The following DDX18 variants were observed in gnomAD, a reference collection of about 807,000 sequenced individuals.
DDX18 encodes the protein DEAD-box helicase 18, also known as ATP-dependent RNA helicase DDX18.
In DDX18, 23 loss-of-function variants were observed where a neutral mutation model predicts 73.5. The observed-to-expected ratio is 0.31, with a 90% CI of 0.23 to 0.44. The LOEUF (loss-of-function observed/expected upper bound fraction) is 0.44, where lower values mean the gene tolerates loss of function less well. Ranked by LOEUF, DDX18 falls within the 20% of genes least tolerant of loss-of-function variation. DDX18 has a pLI of 1.00. For missense variants in DDX18, 753 were observed against 792.9 expected (o/e 0.95, Z 0.60); for synonymous variants, 268 against 282.7 (o/e 0.95, Z 0.52).
chr2:117,814,968 T>C (rs780793322), intron 1 of DDX18, 106 bp downstream of exon 1: 232 of 1,153,830 alleles, frequency 2.0e-4, no homozygotes, highest in Non-Finnish European at 2.5e-4. Context: ...CAGCTTCCCC[T>C]GCAGCGTGTG....
intron 3 of DDX18, among the ~76,000 whole-genome samples, chr2:117,820,761 C>G (rs1679832261): frequency 6.6e-6 from 1 of 152,224 alleles, no homozygotes; most frequent in Admixed American, 6.5e-5. Context: ...GTGAGATTAA[C>G]AGGTTTTTTT....
rs139190242 is a variant in DDX18, at chr2:117,823,954, T to C, written c.1067-615T>C. On this transcript the variant is annotated intron_variant, in intron 7 of 13. Transcript: ENST00000263239. ...GAATTGTATTGGTTGATTTTTCAAA[T>C]GTTGAACCAACCTGCATTTCTAGAA... Among the ~76,000 whole-genome samples, 804 of 152,350 alleles carry C rather than the reference T, an allele frequency of 5.3e-3. 8 individuals are homozygous for C. The highest frequency in any genetic ancestry group is 0.017 in the African/African-American group (726 of 41,576).
chr2:117,829,607 T>C, intron 13 of DDX18, 141 bp downstream of exon 13: 1 of 821,588 alleles, frequency 1.2e-6, no homozygotes, highest in East Asian at 2.5e-5. Context: ...ATGTCTGCTT[T>C]TCTGTGCTAG....
In DDX18 at chr2:117,829,309, G is replaced by A. The variant is rs1223547898; in HGVS notation, c.1713G>A (p.Lys571=). ...TTCAGCTTGAGAAATTGATTGAAAAGAATTACTTTCTTCATAAGTCAGCCC... is the reference window on the plus strand; with the variant it reads ...TTCAGCTTGAGAAATTGATTGAAAAAAATTACTTTCTTCATAAGTCAGCCC... ...IQSQLEKLIE[K]NYFLHKSAQE... is the part of the protein sequence containing the mutation. The change falls in exon 13 of 14, where the codon AAG becomes AAA. Residue 571 remains lysine (K), a synonymous_variant. Transcript: ENST00000263239. The A allele has an allele frequency of 6.3e-7, 1 of 1,594,994 alleles. No homozygotes were observed. Among genetic ancestry groups the A allele is most frequent in the Non-Finnish European group, 8.5e-7 (1 of 1,173,892 alleles).
At chr2:117,818,575 C>G (rs547019211) in intron 2 of DDX18, among the ~76,000 whole-genome samples, 11 of 152,316 alleles carry the variant, frequency 7.2e-5, no homozygotes, top group African/African-American at 2.6e-4. Context: ...AAAATTATTG[C>G]CTTCACAATT....
intron 3 of DDX18, among the ~76,000 whole-genome samples, chr2:117,820,467 T>C (rs1300749874): frequency 6.6e-6 from 1 of 152,230 alleles, no homozygotes; most frequent in Non-Finnish European, 1.5e-5. Context: ...ACATTTTTGG[T>C]TCTCAGAGCT....
Position 117,817,748 on chromosome 2 carries a change from G to T in DDX18, c.370+20G>T. ...AGCCTGGTAGGTATTTATTATCTTT[G>T]AACTTCAGCCATTTAGTTTTTCACA... On this transcript the variant is annotated intron_variant, in intron 2 of 13. Transcript: ENST00000263239. The T allele has an allele frequency of 4.4e-6, 7 of 1,573,752 alleles. No individual in the cohort carries two copies. In the South Asian group the frequency reaches 7.2e-5, roughly 16 times the overall value.
At chr2:117,820,925 C>T (rs537305945) in intron 3 of DDX18, among the ~76,000 whole-genome samples, 3 of 152,106 alleles carry the variant, frequency 2.0e-5, no homozygotes, top group Non-Finnish European at 4.4e-5. Context: ...TACCTCCTCT[C>T]TACCCCTTGT....
intron 1 of DDX18, among the ~76,000 whole-genome samples, chr2:117,817,184 A>T (rs1295449313): frequency 6.6e-6 from 1 of 152,102 alleles, no homozygotes; most frequent in Non-Finnish European, 1.5e-5. Flanking sequence ...CCTGTCCTAG[A>T]CTCCTTAAAG....
rs1426999955 is a variant in DDX18 at position 117,822,179 on chromosome 2, G to T, written c.984G>T (p.Gln328His). ...NTPGFMYKNL[Q>H]CLVIDEADRI... The stretch of plus-strand genomic sequence containing the variant: ...CAGGATTTATGTATAAAAACCTGCA[G>T]TGTCTGGTTATTGATGAAGCTGATC... The change falls in exon 7 of 14, where the codon CAG (glutamine) becomes CAT (histidine). Residue 328 changes from glutamine to histidine, a missense_variant. By Grantham distance (24) the Gln-to-His change is conservative. Around this residue, in one of 3 missense-constraint regions of DDX18, gnomAD observed 402 missense variants for 419.4 expected, o/e 0.96. Coordinates refer to ENST00000263239, the MANE Select transcript of DDX18 (RefSeq NM_006773.4). The T allele has an allele frequency of 4.3e-6, 7 of 1,613,970 alleles. No individual in the cohort carries two copies. Among genetic ancestry groups the T allele is most frequent in the Non-Finnish European group, 4.2e-6 (5 of 1,179,868 alleles).
intron 1 of DDX18, among the ~76,000 whole-genome samples, chr2:117,816,556 A>G (rs1474369446): frequency 2.0e-5 from 3 of 152,196 alleles, no homozygotes; most frequent in Non-Finnish European, 4.4e-5. Context: ...ATCTCCTATG[A>G]TAACAGTGCC....
chr2:117,829,500 T>A, intron 13 of DDX18, 34 bp downstream of exon 13: 1 of 1,586,010 alleles, frequency 6.3e-7, no homozygotes. Context: ...ATCCTGTGAC[T>A]AAGGAACAAA....
intron 8 of DDX18, 47 bp from the exon 9 acceptor site, chr2:117,824,893 A>G (rs766874654): frequency 1.9e-6 from 3 of 1,555,170 alleles, no homozygotes; most frequent in African/African-American, 1.4e-5. Flanking sequence ...GGAAATGGAA[A>G]ATGTCCACTT....
At chr2:117,824,744 T>A (rs2104624131) in intron 8 of DDX18, 36 bp downstream of exon 8, 1 of 1,470,590 alleles carries the variant, frequency 6.8e-7, no homozygotes, top group South Asian at 1.6e-5. Flanking sequence ...TGTAGGGATC[T>A]TACTTGGTGT....
chr2:117,814,735 G>A lies in DDX18; in HGVS notation c.-43G>A, dbSNP rs1679724135. The stretch of plus-strand genomic sequence containing the variant: ...GTAACGTCAGCCTGAGAACTGAGTA[G>A]CTGTACTGTGTGGCGCCTTATTCTA... On this transcript the variant is annotated 5_prime_UTR_variant, in exon 1 of 14. Coordinates refer to ENST00000263239, the MANE Select transcript of DDX18 (RefSeq NM_006773.4). 6.2e-7 allele frequency: 1 copy of A among 1,601,516 alleles called. No individual in the cohort carries two copies.
chr2:117,816,197 A>G lies in DDX18; in HGVS notation c.86-1247A>G, dbSNP rs566276736. On this transcript the variant is annotated intron_variant, in intron 1 of 13. Transcript: ENST00000263239. ...GTGAAGGCCTAGAACATTACTGTAC[A>G]CTATAGACTTTATAAACACTGTACA... 2.6e-5 allele frequency among the ~76,000 whole-genome samples: 4 copies of G among 152,342 alleles called. No homozygotes were observed. The South Asian group carries it at 6.2e-4, about 24-fold the overall frequency.
rs541729024 is a variant in DDX18 at position 117,824,440 on chromosome 2, T to G, written c.1067-129T>G. 3.3e-4 allele frequency: 289 copies of G among 888,216 alleles called. No individual in the cohort carries two copies. The African/African-American group carries it at 4.7e-3, about 15-fold the overall frequency. The allele number at this position is 888,216 out of a possible 1,614,324, so 55.0% of individuals were successfully genotyped here. A position where few individuals can be genotyped will look rare whatever the true frequency, so the allele number is the denominator to read the frequency against. On this transcript the variant is annotated intron_variant, in intron 7 of 13. Transcript: ENST00000263239. ...GATATACCCTTTTTACCTTTTGTAA[T>G]ATTTGTAGATTCTGTAGAAACATCA...
intron 7 of DDX18, 72 bp downstream of exon 7, chr2:117,822,333 A>C (rs901994907): frequency 8.4e-6 from 10 of 1,196,546 alleles, no homozygotes; most frequent in Middle Eastern, 2.7e-4. Flanking sequence ...TCCTATAGAA[A>C]AACTGTACTA....
At chr2:117,819,904 A>G (rs935738106) in intron 3 of DDX18, 112 bp downstream of exon 3, 5 of 1,062,402 alleles carry the variant, frequency 4.7e-6, no homozygotes, top group Non-Finnish European at 6.3e-6. Context: ...AAAAGTAACT[A>G]TCAACAAGAA....
Sources: allele counts gnomAD v4.1 joint callset (sites outside exome capture counted in the v4.1 genomes callset), GRCh38; gene constraint gnomAD v4.1.1; regional missense constraint gnomAD v4.1.1; transcripts MANE v1.5; gene names NCBI Gene and HGNC (gene_info 2026-07-23, HGNC 2026-07-21).